RPGR: variants seen among roughly 807,000 people sequenced by gnomAD.
RPGR encodes retinitis pigmentosa GTPase regulator, also known as X-linked retinitis pigmentosa GTPase regulator.
In RPGR, 10 loss-of-function variants were observed where a neutral mutation model predicts 56.3. That is an observed-to-expected ratio of 0.18 (90% CI 0.11 to 0.30). The LOEUF is 0.30. Ranked by LOEUF, RPGR falls within the 10% of genes least tolerant of loss-of-function variation. The probability of loss-of-function intolerance (pLI) is 1.00; values close to 1 mark genes in which losing one functional copy is unlikely to be tolerated. For missense variants in RPGR, 538 were observed against 590.9 expected (o/e 0.91, Z 0.93); for synonymous variants, 197 against 212.9 (o/e 0.93, Z 0.65).
intron 1 of RPGR, 111 bp downstream of exon 1, chrX:38,327,229 C>A (rs987160121): frequency 6.3e-6 from 5 of 793,538 alleles, no homozygotes. Flanking sequence ...CGCCCCAGTC[C>A]GGCTGCCAAG....
chrX:38,303,726 T>C (rs2067544782), intron 8 of RPGR: 1 of 297,226 alleles, frequency 3.4e-6, no homozygotes, highest in Non-Finnish European at 5.9e-6. Flanking sequence ...GAAGAAACAG[T>C]ATATCTTGCA....
chrX:38,327,446 C>T lies in RPGR; in HGVS notation c.-79G>A, dbSNP rs1396241281. The T allele has an allele frequency of 1.4e-5, 14 of 987,273 alleles. No individual in the cohort carries two copies. In the South Asian group the frequency reaches 3.1e-4, roughly 22 times the overall value. 81.4% of individuals were successfully genotyped at this position (987,273 alleles called of 1,213,427 possible). On this transcript the variant is annotated 5_prime_UTR_variant, in exon 1 of 19. Coordinates refer to ENST00000642395, the MANE Select transcript of RPGR (RefSeq NM_000328.3). ...TTTGGTCGGGGCTAAAGCAGCTACT[C>T]CGCACCGACGCGGGCCGCGAAAGCC...
intron 11 of RPGR, among the ~76,000 whole-genome samples, chrX:38,294,217 T>C (rs2067339278): frequency 9.0e-6 from 1 of 111,427 alleles, no homozygotes; most frequent in Non-Finnish European, 1.9e-5. Flanking sequence ...GCTGCCCTAA[T>C]TTCCCACCTC....
chrX:38,300,459 G>A (rs771465631), intron 9 of RPGR, among the ~76,000 whole-genome samples: 27 of 111,964 alleles, frequency 2.4e-4, no homozygotes, highest in African/African-American at 3.2e-4. Flanking sequence ...GGTATGATGC[G>A]TGATGGTGAC....
At position 38,300,963 on chromosome X, in the gene RPGR, C is replaced by T. The variant is rs781531873; in HGVS notation, c.1059+284G>A. Among the ~76,000 whole-genome samples, 5 of 111,730 alleles carry T rather than the reference C, an allele frequency of 4.5e-5. No homozygotes were observed. The East Asian group carries it at 1.4e-3, about 31-fold the overall frequency. ...GCTGGGTGCTACACAAGATACAAAG[C>T]CTGCGGGCATGGCACAGTCCCAGCT... On this transcript the variant is annotated intron_variant, in intron 9 of 18. Transcript: ENST00000642395.
At position 38,269,443 on chromosome X, in the gene RPGR, G is replaced by C. The variant is rs891430020; in HGVS notation, c.*183C>G. ...ATTTGAGATACACATATTTTGAAAT[G>C]ACTTGTTAAAAATATTAGCATAAAT... is the stretch of plus-strand genomic sequence containing the variant. On this transcript the variant is annotated 3_prime_UTR_variant, in exon 19 of 19. Transcript: ENST00000642395. 33 of 391,642 alleles carry C rather than the reference G, an allele frequency of 8.4e-5. No homozygotes were observed. Among genetic ancestry groups the C allele is most frequent in the Non-Finnish European group, 3.5e-5 (8 of 229,459 alleles). The allele number at this position is 391,642 out of a possible 1,213,427, so 32.3% of individuals were successfully genotyped here.
At chrX:38,293,234 G>A (rs1385747169) in intron 11 of RPGR, among the ~76,000 whole-genome samples, 2 of 111,174 alleles carry the variant, frequency 1.8e-5, no homozygotes, top group Admixed American at 1.9e-4. Context: ...GGGCCATATG[G>A]TCTCTGTCCT....
chrX:38,323,619 C>G, intron 1 of RPGR, 95 bp from the exon 2 acceptor site: 1 of 961,553 alleles, frequency 1.0e-6, no homozygotes, highest in Admixed American at 2.5e-5. Context: ...AACCCCTTGT[C>G]TCATGACAGC....
intron 15 of RPGR, among the ~76,000 whole-genome samples, chrX:38,278,983 ATTAACT>A (rs2066983034): frequency 8.9e-6 from 1 of 112,686 alleles, no homozygotes; most frequent in Non-Finnish European, 1.9e-5. Context: ...AATTTTACTC[ATTAACT>A]TTAAACAATC....
chrX:38,293,973 G>C (rs1245156106), intron 11 of RPGR, among the ~76,000 whole-genome samples: 1 of 110,853 alleles, frequency 9.0e-6, no homozygotes, highest in Non-Finnish European at 1.9e-5. Flanking sequence ...CCATTTCTCT[G>C]CTCCACTTTA....
intron 7 of RPGR, 116 bp from the exon 8 acceptor site, chrX:38,304,906 G>A (rs2067567907): frequency 1.6e-5 from 9 of 579,186 alleles, no homozygotes; most frequent in Admixed American, 6.6e-5. Flanking sequence ...TGCCTCTGGG[G>A]AAAAAAAAAC....
intron 13 of RPGR, among the ~76,000 whole-genome samples, chrX:38,289,563 A>C (rs1032320380): frequency 1.8e-5 from 2 of 112,427 alleles, no homozygotes; most frequent in Non-Finnish European, 1.9e-5. Context: ...CAAATTTTAT[A>C]AATTGTGATG....
rs148089624 is a variant in RPGR, at chrX:38,306,580, T to A, written c.779-1790A>T. Among the ~76,000 whole-genome samples the A allele has an allele frequency of 9.2e-3, 1,034 of 112,275 alleles. 13 individuals carry two copies. The highest frequency in any genetic ancestry group is 0.032 in the African/African-American group (978 of 30,987). ...CATATTGAGGCAATGGCAAAACAGA[T>A]CTTTATTTTAATATTAAAAAACCAT... On this transcript the variant is annotated intron_variant, in intron 7 of 18. Transcript: ENST00000642395.
intron 18 of RPGR, among the ~76,000 whole-genome samples, chrX:38,271,340 C>A (rs1180774934): frequency 9.0e-6 from 1 of 111,706 alleles, no homozygotes; most frequent in Non-Finnish European, 1.9e-5. Flanking sequence ...CCAAGAAATG[C>A]TGATTAAGTA....
At chrX:38,326,113 G>T (rs926837077) in intron 1 of RPGR, among the ~76,000 whole-genome samples, 2 of 111,937 alleles carry the variant, frequency 1.8e-5, no homozygotes, top group African/African-American at 3.3e-5. Context: ...TCCCCAGAAT[G>T]AATTACTTTA....
chrX:38,270,458 CAAAA>C (rs771458538), intron 18 of RPGR, among the ~76,000 whole-genome samples: 1,900 of 76,539 alleles, frequency 0.025, 49 homozygotes, highest in African/African-American at 0.092. Context: ...ACTACAAATA[CAAAA>C]AAAAAAAAAA....
At chrX:38,306,862 A>G (rs1044775509) in intron 7 of RPGR, among the ~76,000 whole-genome samples, 6 of 112,562 alleles carry the variant, frequency 5.3e-5, no homozygotes, top group African/African-American at 9.7e-5. Context: ...AGCAGTTTCT[A>G]TTTTATAAAA....
chrX:38,275,043 G>T, intron 17 of RPGR: 1 of 965,572 alleles, frequency 1.0e-6, no homozygotes, highest in Non-Finnish European at 1.5e-6. Context: ...ATATATATGT[G>T]TGTATGTATG....
At chrX:38,291,621 G>A in intron 11 of RPGR, 137 bp from the exon 12 acceptor site, 1 of 415,985 alleles carries the variant, frequency 2.4e-6, no homozygotes, top group Non-Finnish European at 4.2e-6. Flanking sequence ...TCATGTCAGG[G>A]AAATTGAAAA....
Sources: allele counts gnomAD v4.1 joint callset (sites outside exome capture counted in the v4.1 genomes callset), GRCh38; gene constraint gnomAD v4.1.1; transcripts MANE v1.5; gene names NCBI Gene and HGNC (gene_info 2026-07-23, HGNC 2026-07-21).